Variants in FAM185A observed in about 807,000 individuals in gnomAD.
The protein encoded by FAM185A is protein FAM185A.
Under a neutral mutation model 45.7 loss-of-function variants are expected in FAM185A, and 21 were observed. That is an observed-to-expected ratio of 0.46 (90% confidence interval 0.33 to 0.66). The LOEUF is 0.66. Ranked by LOEUF, FAM185A falls within the 30% of genes least tolerant of loss-of-function variation. FAM185A has a pLI of 0.03. For synonymous variants in FAM185A, 117 were observed against 194.0 expected (o/e 0.60, Z 3.30); for missense variants, 305 against 485.4 (o/e 0.63, Z 3.49).
chr7:102,784,377 C>G (rs1795633355), intron 6 of FAM185A, among the ~76,000 whole-genome samples: 1 of 151,474 alleles, frequency 6.6e-6, no homozygotes, highest in Non-Finnish European at 1.5e-5. Flanking sequence ...CAGAGACACA[C>G]AAAAAAAGAG....
chr7:102,838,031 G>C, the FAM185A span, among the ~76,000 whole-genome samples: 2 of 152,216 alleles, frequency 1.3e-5, no homozygotes, highest in Non-Finnish European at 2.9e-5. Context: ...GGAGTGAGGA[G>C]AATGAGCTTC....
At chr7:102,777,930 A>T (rs1325678716) in intron 6 of FAM185A, among the ~76,000 whole-genome samples, 1 of 152,208 alleles carries the variant, frequency 6.6e-6, no homozygotes, top group Non-Finnish European at 1.5e-5. Flanking sequence ...TCTGAAAGCT[A>T]AATATGAATT....
In FAM185A at chr7:102,761,326, T is replaced by C. The variant is rs778143064; in HGVS notation, c.708T>C (p.Asp236=). The change falls in exon 4 of 8, where the codon GAT becomes GAC. Residue 236 remains aspartate (D), a synonymous_variant. Coordinates refer to ENST00000413034, the MANE Select transcript of FAM185A (RefSeq NM_001145268.2). ...QGSSVTVSTE[D]GLLKAKYLYT... ...GTTCTGTTACTGTATCTACCGAAGATGGTTTGCTGAAAGCCAAGTATCTTT... is the reference window on the plus strand; with the variant it reads ...GTTCTGTTACTGTATCTACCGAAGACGGTTTGCTGAAAGCCAAGTATCTTT... 5.8e-6 allele frequency: 9 copies of C among 1,547,538 alleles called. No homozygotes were observed. The highest frequency in any genetic ancestry group is 8.7e-7 in the Non-Finnish European group (1 of 1,145,226).
At chr7:102,816,236 C>T in the FAM185A span, 1 of 152,314 alleles carries the variant, frequency 6.6e-6, no homozygotes, top group South Asian at 2.1e-4. Flanking sequence ...ACTCTCCTTC[C>T]AGACTCAAGT....
chr7:102,749,002 G>A lies in FAM185A; in HGVS notation c.-206G>A, dbSNP rs1400261859. Reference sequence around the variant, plus strand: ...CAAGGGGTCCAGGTCAGAGTTTAGAGCTTTCAAATCCCAACTTGCCCCTGG... The same window carrying A: ...CAAGGGGTCCAGGTCAGAGTTTAGAACTTTCAAATCCCAACTTGCCCCTGG... On this transcript the variant is annotated 5_prime_UTR_variant, in exon 1 of 8. Transcript: ENST00000413034. 1.2e-6 allele frequency: 1 copy of A among 815,062 alleles called. No homozygotes were observed. The highest frequency in any genetic ancestry group is 2.1e-6 in the Non-Finnish European group (1 of 487,722). The allele number at this position is 815,062 out of a possible 1,614,324, so 50.5% of individuals were successfully genotyped here.
the FAM185A span, among the ~76,000 whole-genome samples, chr7:102,815,197 C>A: frequency 6.6e-6 from 1 of 152,166 alleles, no homozygotes; most frequent in Non-Finnish European, 1.5e-5. Flanking sequence ...GGAAATGGCT[C>A]AAACCCAGTC....
chr7:102,752,867 G>A (rs1793456446), intron 2 of FAM185A, among the ~76,000 whole-genome samples: 1 of 147,508 alleles, frequency 6.8e-6, no homozygotes, highest in South Asian at 2.2e-4. Context: ...AACTTTGAAA[G>A]CATGCAATTT....
chr7:102,811,992 A>G (rs943631459), downstream of FAM185A, among the ~76,000 whole-genome samples: 1 of 152,234 alleles, frequency 6.6e-6, no homozygotes, highest in African/African-American at 2.4e-5. Context: ...AAAACTTTTC[A>G]AAATAACGAT....
downstream of FAM185A, chr7:102,813,178 A>C (rs1797552097): frequency 4.4e-6 from 3 of 677,182 alleles, no homozygotes; most frequent in Admixed American, 3.3e-5. Flanking sequence ...AGACAGAAGA[A>C]CTACTGATGT....
intron 2 of FAM185A, among the ~76,000 whole-genome samples, chr7:102,756,186 T>TCAGC (rs1793720215): frequency 1.3e-5 from 2 of 152,040 alleles, no homozygotes; most frequent in African/African-American, 4.8e-5. Context: ...AGCACGATCC[T>TCAGC]AGCTCACTGA....
At chr7:102,842,949 T>G in the FAM185A span, among the ~76,000 whole-genome samples, 2 of 152,234 alleles carry the variant, frequency 1.3e-5, no homozygotes, top group South Asian at 4.1e-4. Flanking sequence ...TTCTCCCAAC[T>G]ATGAAGTAGC....
intron 7 of FAM185A, among the ~76,000 whole-genome samples, chr7:102,789,317 G>A (rs1796011239): frequency 1.3e-5 from 2 of 152,166 alleles, no homozygotes; most frequent in African/African-American, 4.8e-5. Flanking sequence ...ACAAGGCCTT[G>A]CTATGTTTCC....
chr7:102,809,811 A>G (rs1052913085), downstream of FAM185A, among the ~76,000 whole-genome samples: 3 of 152,184 alleles, frequency 2.0e-5, no homozygotes, highest in Non-Finnish European at 4.4e-5. Context: ...CCAAAATCTC[A>G]TGATGAAATG....
At chr7:102,775,609 AG>A (rs1160065404) in intron 5 of FAM185A, among the ~76,000 whole-genome samples, 4 of 152,142 alleles carry the variant, frequency 2.6e-5, no homozygotes, top group Non-Finnish European at 4.4e-5. Context: ...TCTCATTTGG[AG>A]GGAAAAATAA....
intron 7 of FAM185A, among the ~76,000 whole-genome samples, chr7:102,805,703 TA>T (rs1797073845): frequency 6.6e-6 from 1 of 151,210 alleles, no homozygotes; most frequent in Non-Finnish European, 1.5e-5. Context: ...ATAAATAAAT[TA>T]AAATAAAATA....
At position 102,780,984 on chromosome 7, in the gene FAM185A, GTCT is replaced by G. The variant is rs1795368639; in HGVS notation, c.931+3638_931+3640del. Among the ~76,000 whole-genome samples the G allele has an allele frequency of 2.6e-5, 4 of 152,218 alleles. 1 individual carries two copies. The South Asian group carries it at 8.3e-4, about 31-fold the overall frequency. ...ACCCTAATACTGCTTATTTCCAATG[GTCT>G]TAGCAAACGGCACACCAGGAGATTA... On this transcript the variant is annotated intron_variant, in intron 6 of 7. Coordinates refer to ENST00000413034, the MANE Select transcript of FAM185A (RefSeq NM_001145268.2).
At chr7:102,809,554 T>C (rs951798844), downstream of FAM185A, among the ~76,000 whole-genome samples, 7 of 151,788 alleles carry the variant, frequency 4.6e-5, no homozygotes, top group East Asian at 1.9e-4. Context: ...AAAAGAAAAT[T>C]AGCTGGGTAT....
chr7:102,785,299 T>C (rs1351404945), intron 6 of FAM185A, among the ~76,000 whole-genome samples: 53 of 151,284 alleles, frequency 3.5e-4, no homozygotes, highest in South Asian at 2.3e-3. Context: ...AAGCTACCAA[T>C]GACTTTCTTC....
At chr7:102,757,242 G>A (rs1222618023) in intron 2 of FAM185A, among the ~76,000 whole-genome samples, 2 of 151,684 alleles carry the variant, frequency 1.3e-5, no homozygotes, top group Non-Finnish European at 2.9e-5. Context: ...CCTTCAGACC[G>A]GTCCAGCGTT....
Sources: gnomAD v4.1 joint callset for allele counts (sites outside exome capture counted in the v4.1 genomes callset) on GRCh38, gnomAD v4.1.1 for gene constraint, MANE v1.5 for transcripts, NCBI Gene and HGNC (gene_info 2026-07-23, HGNC 2026-07-21) for gene names.